The following UBR3 variants were observed in gnomAD, a reference collection of about 807,000 sequenced individuals.
UBR3 encodes the protein ubiquitin protein ligase E3 component n-recognin 3.
In UBR3, 85 loss-of-function variants were observed where a neutral mutation model predicts 243.2. The ratio of observed to expected loss-of-function variants is 0.35; its 90% CI spans 0.29 to 0.42. The LOEUF (loss-of-function observed/expected upper bound fraction) is 0.42, where lower values mean the gene tolerates loss of function less well. Among genes scored for constraint, UBR3 ranks in the 10% least tolerant of loss-of-function variants. UBR3 has a pLI of 1.00. For synonymous variants in UBR3, 748 were observed against 799.8 expected (o/e 0.94, Z 1.09); for missense variants, 1,686 against 2,300.8 (o/e 0.73, Z 5.47).
chr2:169,984,702 T>C (rs2088914518), intron 24 of UBR3, among the ~76,000 whole-genome samples: 1 of 152,200 alleles, frequency 6.6e-6, no homozygotes, highest in African/African-American at 2.4e-5. Flanking sequence ...AATAACATTT[T>C]AATTCAACAT....
At chr2:169,913,685 A>C (rs1436551022) in intron 10 of UBR3, among the ~76,000 whole-genome samples, 1 of 152,084 alleles carries the variant, frequency 6.6e-6, no homozygotes, top group Non-Finnish European at 1.5e-5. Context: ...TGTCGCTACT[A>C]TCCATGTCCA....
At chr2:169,855,809 C>T (rs1478526882) in intron 1 of UBR3, among the ~76,000 whole-genome samples, 4 of 152,256 alleles carry the variant, frequency 2.6e-5, no homozygotes, top group Admixed American at 6.5e-5. Context: ...TCCCCACTTT[C>T]TATTCGACAA....
In UBR3 at chr2:170,080,572, G is replaced by A; in HGVS notation, c.5437G>A (p.Gly1813Ser). The A allele has an allele frequency of 6.2e-7, 1 of 1,613,590 alleles. No homozygotes were observed. The highest frequency in any genetic ancestry group is 8.5e-7 in the Non-Finnish European group (1 of 1,179,758). Residue 1813 changes from glycine (G) to serine (S), a missense_variant, in exon 38 of 39, where the codon GGT becomes AGT. Around this residue, in one of 8 missense-constraint regions of UBR3, gnomAD observed 89 missense variants for 183.3 expected, o/e 0.49. Coordinates refer to ENST00000272793, the MANE Select transcript of UBR3 (RefSeq NM_172070.4). ...LHSQNCGAGT[G>S]IFLLINASVI... ...CTCTCAGAACTGTGGTGCAGGAACA[G>A]GTATTTTCCTTTTGATCAATGCATC... is the stretch of plus-strand genomic sequence containing the variant.
intron 26 of UBR3, among the ~76,000 whole-genome samples, chr2:170,001,029 A>G (rs2089676356): frequency 1.3e-5 from 2 of 152,242 alleles, no homozygotes; most frequent in Admixed American, 6.5e-5. Flanking sequence ...TATTGAGAGC[A>G]TATATTTTAT....
chr2:170,072,353 A>G (rs2091716609), intron 35 of UBR3, among the ~76,000 whole-genome samples: 1 of 151,030 alleles, frequency 6.6e-6, no homozygotes, highest in East Asian at 2.0e-4. Context: ...ATTCTCACTC[A>G]TAGGTGGGAA....
chr2:170,068,965 A>AACTT (rs1248374359), intron 35 of UBR3, among the ~76,000 whole-genome samples: 1 of 152,232 alleles, frequency 6.6e-6, no homozygotes, highest in Non-Finnish European at 1.5e-5. Flanking sequence ...TTAGTTATCA[A>AACTT]ACTTATATAA....
At position 169,896,510 on chromosome 2, in the gene UBR3, G is replaced by A. The variant is rs1574147654; in HGVS notation, c.1240G>A (p.Ala414Thr). ...CTTTCTATTAAAATGTTTACAGGTTGCTTTTACAAAAACTTTTGTTCAGCA... is the reference window on the plus strand; with the variant it reads ...CTTTCTATTAAAATGTTTACAGGTTACTTTTACAAAAACTTTTGTTCAGCA... ...NMLPDQEYKV[A>T]FTKTFVQHYA... is the part of the protein sequence containing the mutation. Residue 414 changes from alanine (A) to threonine (T), a missense_variant, in exon 8 of 39, where the codon GCT becomes ACT. This residue lies in a region of UBR3 where 200 missense variants were observed against 231.6 expected (regional missense o/e 0.86). Coordinates refer to ENST00000272793, the MANE Select transcript of UBR3 (RefSeq NM_172070.4). 6.6e-7 allele frequency: 1 copy of A among 1,518,456 alleles called. No individual in the cohort carries two copies. Among genetic ancestry groups the A allele is most frequent in the East Asian group, 2.5e-5 (1 of 40,278 alleles). The allele number at this position is 1,518,456 out of a possible 1,614,324, so 94.1% of individuals were successfully genotyped here. A position where few individuals can be genotyped will look rare whatever the true frequency, so the allele number is the denominator to read the frequency against.
chr2:169,993,558 T>C (rs191388958), intron 25 of UBR3, among the ~76,000 whole-genome samples: 2 of 152,310 alleles, frequency 1.3e-5, no homozygotes, highest in Non-Finnish European at 2.9e-5. Flanking sequence ...TCCTTGTTAC[T>C]AGATTGAAGT....
intron 19 of UBR3, among the ~76,000 whole-genome samples, chr2:169,941,976 C>G (rs2086609276): frequency 6.6e-6 from 1 of 152,204 alleles, no homozygotes; most frequent in Admixed American, 6.5e-5. Flanking sequence ...CCCAACATAC[C>G]TTGTGATCTG....
chr2:170,051,323 A>G (rs1019866851), intron 32 of UBR3, among the ~76,000 whole-genome samples: 3 of 152,024 alleles, frequency 2.0e-5, no homozygotes, highest in African/African-American at 4.8e-5. Flanking sequence ...CTTTTAGTAC[A>G]TTACTTCTAT....
Position 170,063,353 on chromosome 2 carries a change from A to C in UBR3, c.5019+1910A>C, listed in dbSNP as rs533821465. ...ACTTTGTGTATATTCAGATTGAGGG[A>C]TAGTTGGACCCTTTAGGCGGACCTG... On this transcript the variant is annotated intron_variant, in intron 35 of 38. Coordinates refer to ENST00000272793, the MANE Select transcript of UBR3 (RefSeq NM_172070.4). 2.6e-5 allele frequency among the ~76,000 whole-genome samples: 4 copies of C among 152,268 alleles called. No individual in the cohort carries two copies. The South Asian group carries it at 6.2e-4, about 24-fold the overall frequency.
chr2:169,910,723 AT>A (rs2085220527), intron 10 of UBR3, among the ~76,000 whole-genome samples: 2 of 152,150 alleles, frequency 1.3e-5, no homozygotes, highest in African/African-American at 4.8e-5. Flanking sequence ...CTTATCTAAC[AT>A]TCATTGCATC....
chr2:169,827,602 C>A lies in UBR3; in HGVS notation c.95C>A (p.Ala32Asp). ...PGLALDKAATAAHLKAALSRP... is the reference protein window; with the variant it reads ...PGLALDKAATDAHLKAALSRP... ...CTGGCCCTAGACAAGGCGGCCACCG[C>A]CGCGCACCTCAAGGCGGCCCTCAGC... Residue 32 changes from alanine to aspartate, a missense_variant, in exon 1 of 39, where the codon GCC becomes GAC. By Grantham distance (126) the Ala-to-Asp change is moderately radical (BLOSUM62 -2). This residue lies in a region of UBR3 where 79 missense variants were observed against 73.2 expected (regional missense o/e 1.08). Transcript: ENST00000272793. 1 of 1,260,426 alleles carries A rather than the reference C, an allele frequency of 7.9e-7. No homozygotes were observed. The highest frequency in any genetic ancestry group is 3.1e-5 in the South Asian group (1 of 32,286). 78.1% of individuals were successfully genotyped at this position (1,260,426 alleles called of 1,614,324 possible).
At chr2:169,996,653 T>A (rs1467071327) in intron 26 of UBR3, among the ~76,000 whole-genome samples, 1 of 151,866 alleles carries the variant, frequency 6.6e-6, no homozygotes, top group Non-Finnish European at 1.5e-5. Context: ...TACACATATT[T>A]TCACACTTTT....
intron 11 of UBR3, among the ~76,000 whole-genome samples, chr2:169,919,096 G>A (rs72891946): frequency 0.11 from 16,589 of 152,234 alleles, 1,198 homozygotes; most frequent in Middle Eastern, 0.17. Context: ...TTGCGGCAGG[G>A]GGAATAGTGT....
intron 1 of UBR3, among the ~76,000 whole-genome samples, chr2:169,858,848 C>G (rs2082983729): frequency 6.6e-6 from 1 of 152,110 alleles, no homozygotes; most frequent in African/African-American, 2.4e-5. Context: ...GATCCACTCA[C>G]CTTGGCCTTG....
chr2:170,011,860 A>AT (rs1449733446), intron 29 of UBR3, among the ~76,000 whole-genome samples: 1 of 152,102 alleles, frequency 6.6e-6, no homozygotes, highest in Non-Finnish European at 1.5e-5. Context: ...TGGAAACCAA[A>AT]TTGGGGGGAA....
At chr2:170,050,837 T>G (rs967219492) in intron 32 of UBR3, among the ~76,000 whole-genome samples, 3 of 152,212 alleles carry the variant, frequency 2.0e-5, no homozygotes, top group Non-Finnish European at 4.4e-5. Context: ...AATGAACAAG[T>G]GAATATGAGA....
intron 24 of UBR3, among the ~76,000 whole-genome samples, chr2:169,966,888 T>C (rs1480352188): frequency 1.3e-5 from 2 of 152,188 alleles, no homozygotes. Context: ...GGTTTTTTTT[T>C]CTAATATTAA....
Sources: gnomAD v4.1 joint callset for allele counts (sites outside exome capture counted in the v4.1 genomes callset) on GRCh38, gnomAD v4.1.1 for gene constraint, gnomAD v4.1.1 regional missense constraint, MANE v1.5 for transcripts, NCBI Gene and HGNC (gene_info 2026-07-23, HGNC 2026-07-21) for gene names.